The following DISC1 variants were observed in gnomAD, a reference collection of about 807,000 sequenced individuals.
DISC1 encodes disrupted in schizophrenia 1 protein.
Under a neutral mutation model 84.5 loss-of-function variants are expected in DISC1, and 57 were observed. The ratio of observed to expected loss-of-function variants is 0.67; its 90% confidence interval spans 0.55 to 0.84. The LOEUF is 0.84. Among genes scored for constraint, DISC1 ranks in the 40% least tolerant of loss-of-function variants. The probability of loss-of-function intolerance (pLI) is 0.00; values close to 1 mark genes in which losing one functional copy is unlikely to be tolerated. For synonymous variants in DISC1, 411 were observed against 415.2 expected, an observed-to-expected ratio of 0.99 and a Z score of 0.12; for missense variants, 1,000 against 1,057.8, an observed-to-expected ratio of 0.95 and a Z score of 0.76.
intron 1 of DISC1, among the ~76,000 whole-genome samples, chr1:231,632,333 C>T (rs1005366794): frequency 4.6e-5 from 7 of 152,186 alleles, no homozygotes; most frequent in African/African-American, 1.7e-4. Context: ...ATTTTCCAGC[C>T]ACGTGGCCTT....
chr1:231,900,589 A>T (rs1679134550), intron 9 of DISC1, among the ~76,000 whole-genome samples: 1 of 152,198 alleles, frequency 6.6e-6, no homozygotes, highest in African/African-American at 2.4e-5. Context: ...ATTCGGTATA[A>T]GGCCATATTC....
At chr1:231,861,452 GTTTTT>G (rs59522401) in intron 9 of DISC1, among the ~76,000 whole-genome samples, 5 of 88,966 alleles carry the variant, frequency 5.6e-5, no homozygotes, top group Middle Eastern at 7.6e-3. Flanking sequence ...ATTTTGACAA[GTTTTT>G]TTTTTTTTTT....
chr1:231,721,182 A>G, intron 3 of DISC1: 1 of 1,097,642 alleles, frequency 9.1e-7, no homozygotes, highest in Non-Finnish European at 1.2e-6. Flanking sequence ...TAATACATAT[A>G]AAAACTGTGC....
At chr1:231,761,502 G>A (rs1303911076) in intron 4 of DISC1, among the ~76,000 whole-genome samples, 3 of 152,196 alleles carry the variant, frequency 2.0e-5, no homozygotes, top group Non-Finnish European at 4.4e-5. Context: ...CCTGGAGTAA[G>A]AATATGAGAG....
In DISC1 at chr1:231,863,901, ATTC is replaced by A. The variant is rs373347690; in HGVS notation, c.1981+45390_1981+45392del. On this transcript the variant is annotated intron_variant, in intron 9 of 12. Coordinates refer to ENST00000439617, the MANE Select transcript of DISC1 (RefSeq NM_018662.3). ...AACTCAGAATCAAAGCGGTTATTCA[ATTC>A]TTCTTTTCTTGGAGGAAATCACTGT... Among the ~76,000 whole-genome samples, 64 of 149,596 alleles carry A rather than the reference ATTC, an allele frequency of 4.3e-4. No individual in the cohort carries two copies. In the East Asian group the frequency reaches 9.9e-3, roughly 23 times the overall value.
rs1167744453 is a variant in DISC1 at position 231,749,948 on chromosome 1, A to G, written c.1140A>G (p.Leu380=). 1 of 1,614,230 alleles carries G rather than the reference A, an allele frequency of 6.2e-7. No homozygotes were observed. The highest frequency in any genetic ancestry group is 1.7e-5 in the Admixed American group (1 of 60,020). The part of the protein sequence containing the change: ...YDKAETLQQR[L]EDLEQEKISL... ...CAGCTGAGACGTTACAACAAAGATT[A>G]GAAGACCTGGAACAAGAGAAAATCA... Residue 380 remains leucine, a synonymous_variant, in exon 4 of 13, where the codon TTA becomes TTG. Transcript: ENST00000439617.
At chr1:231,765,438 A>G (rs979225524) in intron 4 of DISC1, among the ~76,000 whole-genome samples, 1 of 152,106 alleles carries the variant, frequency 6.6e-6, no homozygotes, top group African/African-American at 2.4e-5. Context: ...ATAATTTGAT[A>G]TAACTTTTTA....
chr1:231,703,680 T>G (rs994641192), intron 3 of DISC1, among the ~76,000 whole-genome samples: 1 of 152,186 alleles, frequency 6.6e-6, no homozygotes, highest in African/African-American at 2.4e-5. Context: ...CTTTAATCTT[T>G]TCTCCAAACA....
At chr1:231,798,521 G>A (rs1226922843) in intron 7 of DISC1, among the ~76,000 whole-genome samples, 1 of 152,244 alleles carries the variant, frequency 6.6e-6, no homozygotes, top group Non-Finnish European at 1.5e-5. Context: ...ATTATGGCTG[G>A]TATTACAGAG....
chr1:231,854,732 TTTTG>T, intron 9 of DISC1: 1 of 169,530 alleles, frequency 5.9e-6, no homozygotes. Context: ...TTTTTTTTTT[TTTTG>T]AGATGGAGTC....
intron 6 of DISC1, among the ~76,000 whole-genome samples, chr1:231,787,926 G>T (rs959938268): frequency 1.4e-4 from 22 of 152,264 alleles, no homozygotes; most frequent in African/African-American, 4.8e-4. Context: ...GTATTAGTTT[G>T]CTGCCATAAT....
chr1:231,984,561 T>C (rs946246212), intron 10 of DISC1, among the ~76,000 whole-genome samples: 1 of 152,038 alleles, frequency 6.6e-6, no homozygotes, highest in Non-Finnish European at 1.5e-5. Context: ...GGAAATTCTA[T>C]ATGGAGCTTT....
chr1:231,916,518 A>G (rs952611646), intron 9 of DISC1, among the ~76,000 whole-genome samples: 31 of 150,840 alleles, frequency 2.1e-4, no homozygotes, highest in East Asian at 2.0e-3. Context: ...AGCCGGGCGT[A>G]GTGGCGGGCG....
chr1:231,683,161 A>G (rs971069443), intron 1 of DISC1, among the ~76,000 whole-genome samples: 20 of 152,212 alleles, frequency 1.3e-4, no homozygotes, highest in Admixed American at 1.3e-3. Flanking sequence ...CAAGAAATAG[A>G]AAAAGATTGG....
At chr1:231,988,831 C>T (rs773293452) in intron 10 of DISC1, among the ~76,000 whole-genome samples, 4 of 152,194 alleles carry the variant, frequency 2.6e-5, no homozygotes, top group Non-Finnish European at 5.9e-5. Context: ...TTCAATGGTG[C>T]AAGTTCCGTG....
chr1:231,763,857 A>G (rs763528415), intron 4 of DISC1, among the ~76,000 whole-genome samples: 1 of 152,278 alleles, frequency 6.6e-6, no homozygotes, highest in African/African-American at 2.4e-5. Flanking sequence ...AGCACAATCC[A>G]TAGTACATAC....
intron 10 of DISC1, among the ~76,000 whole-genome samples, chr1:231,973,342 G>A (rs543528450): frequency 2.6e-5 from 4 of 152,284 alleles, no homozygotes; most frequent in South Asian, 4.1e-4. Flanking sequence ...CACCGCACCC[G>A]GCCGCCAATG....
At position 232,036,749 on chromosome 1, in the gene DISC1, A is replaced by G; in HGVS notation, c.2483A>G (p.Gln828Arg). 2.5e-6 allele frequency: 4 copies of G among 1,608,010 alleles called. No individual in the cohort carries two copies. The highest frequency in any genetic ancestry group is 3.4e-6 in the Non-Finnish European group (4 of 1,175,920). The change falls in exon 13 of 13, where the codon CAG (glutamine) becomes CGG (arginine). Residue 828 changes from glutamine to arginine, a missense_variant. By Grantham distance (43) the Gln-to-Arg change is conservative. Around this residue, in one of 3 missense-constraint regions of DISC1, gnomAD observed 397 missense variants for 377.5 expected, o/e 1.05. Coordinates refer to ENST00000439617, the MANE Select transcript of DISC1 (RefSeq NM_018662.3). ...VKETLQAMILQLQPAKEAGER... is the reference protein window; with the variant it reads ...VKETLQAMILRLQPAKEAGER... The stretch of plus-strand genomic sequence containing the variant: ...GAAACTCTGCAGGCCATGATCCTGC[A>G]GCTCCAGCCAGCAAAGGAGGCGGGA...
rs143764177 is a variant in DISC1, at chr1:231,984,502, G to A, written c.2043-24283G>A. ...TCCTCATCCCTAGTGGATGGGGGGC[G>A]TGGGTGGCAGGGTACAAAACGAAAC... On this transcript the variant is annotated intron_variant, in intron 10 of 12. Coordinates refer to ENST00000439617, the MANE Select transcript of DISC1 (RefSeq NM_018662.3). Among the ~76,000 whole-genome samples, 14 of 152,248 alleles carry A rather than the reference G, an allele frequency of 9.2e-5. No homozygotes were observed. The East Asian group carries it at 2.5e-3, about 27-fold the overall frequency.
Sources: gnomAD v4.1 joint callset for allele counts (sites outside exome capture counted in the v4.1 genomes callset) on GRCh38, gnomAD v4.1.1 for gene constraint, gnomAD v4.1.1 regional missense constraint, MANE v1.5 for transcripts, NCBI Gene and HGNC (gene_info 2026-07-23, HGNC 2026-07-21) for gene names.